Variants in ATRN observed in about 807,000 individuals in gnomAD.
ATRN encodes the protein attractin.
Under a neutral mutation model 178.7 loss-of-function variants are expected in ATRN, and 54 were observed. The observed-to-expected ratio is 0.30, with a 90% CI of 0.24 to 0.38. The LOEUF (loss-of-function observed/expected upper bound fraction) is 0.38. Ranked by LOEUF, ATRN falls within the 10% of genes least tolerant of loss-of-function variation. ATRN has a pLI of 1.00. For synonymous variants in ATRN, 636 were observed against 663.0 expected (o/e 0.96, Z 0.63); for missense variants, 1,443 against 1,815.1 (o/e 0.79, Z 3.73).
intron 1 of ATRN, among the ~76,000 whole-genome samples, chr20:3,486,943 T>G (rs1474961766): frequency 6.6e-6 from 1 of 152,204 alleles, no homozygotes; most frequent in Non-Finnish European, 1.5e-5. Context: ...AGTACGACTT[T>G]TAGACAGACA....
At chr20:3,573,728 T>C (rs1393801706) in intron 12 of ATRN, among the ~76,000 whole-genome samples, 1 of 150,424 alleles carries the variant, frequency 6.6e-6, no homozygotes, top group Non-Finnish European at 1.5e-5. Context: ...TGAAGCGATA[T>C]ATTAAAAATT....
rs568294430 is a variant in ATRN at position 3,629,115 on chromosome 20, A to C, written c.3863+4543A>C. On this transcript the variant is annotated intron_variant, in intron 25 of 28. Transcript: ENST00000262919. ...ACCAGGCCCCAGAGCTGTGGCCGTC[A>C]GTGCACTCTCCACCTCCACTCCCCA... 11 of 985,248 alleles carry C rather than the reference A, an allele frequency of 1.1e-5. No individual in the cohort carries two copies. In the South Asian group the frequency reaches 5.2e-4, roughly 46 times the overall value. 61.0% of individuals were successfully genotyped at this position (985,248 alleles called of 1,614,324 possible).
At chr20:3,627,466 A>C (rs1026857655) in intron 25 of ATRN, among the ~76,000 whole-genome samples, 1 of 152,226 alleles carries the variant, frequency 6.6e-6, no homozygotes, top group Non-Finnish European at 1.5e-5. Flanking sequence ...AATAAGAGCA[A>C]AAATTAATGA....
intron 5 of ATRN, 145 bp downstream of exon 5, chr20:3,547,634 T>G (rs2085725551): frequency 4.1e-6 from 3 of 739,054 alleles, no homozygotes; most frequent in Admixed American, 5.9e-5. Flanking sequence ...CATCCCTCTA[T>G]CTAGCTGCTT....
In ATRN at chr20:3,563,329, A is replaced by G. The variant is rs200738386; in HGVS notation, c.1752A>G (p.Lys584=). 9.9e-6 allele frequency: 16 copies of G among 1,613,956 alleles called. No individual in the cohort carries two copies. The highest frequency in any genetic ancestry group is 1.7e-5 in the Admixed American group (1 of 60,008). The change falls in exon 10 of 29, where the codon AAA becomes AAG. Residue 584 remains lysine, a synonymous_variant. Coordinates refer to ENST00000262919, the MANE Select transcript of ATRN (RefSeq NM_139321.3). ...ACACATCTATGAGCCATGGCGCCAAATGCTTCTCTTCAGATTTCATGGCCT... is the reference window on the plus strand; with the variant it reads ...ACACATCTATGAGCCATGGCGCCAAGTGCTTCTCTTCAGATTTCATGGCCT... ...HNDTSMSHGA[K]CFSSDFMAYD...
chr20:3,536,910 T>C, intron 2 of ATRN, among the ~76,000 whole-genome samples: 1 of 152,224 alleles, frequency 6.6e-6, no homozygotes, highest in East Asian at 1.9e-4. Flanking sequence ...TAGTAATTTC[T>C]TAAAAGTAAA....
At chr20:3,489,638 CT>C in intron 1 of ATRN, 1 of 1,470,478 alleles carries the variant, frequency 6.8e-7, no homozygotes, top group South Asian at 1.1e-5. Flanking sequence ...ATTCTGAAGC[CT>C]TCTGCAATTT....
chr20:3,520,909 A>G (rs1186237478), intron 1 of ATRN, among the ~76,000 whole-genome samples: 2 of 152,256 alleles, frequency 1.3e-5, no homozygotes, highest in African/African-American at 2.4e-5. Flanking sequence ...TAGGTCATCT[A>G]CTAAATGTGA....
In ATRN at chr20:3,596,373, C is replaced by T. The variant is rs1300743359; in HGVS notation, c.3417-4C>T. On this transcript the variant is annotated splice_polypyrimidine_tract_variant and splice_region_variant and intron_variant, in intron 20 of 28. Transcript: ENST00000262919. ...AGTATAAAATAGTCTTTTTTCCCCCCCAGATGTGAGGTAGAAAATCGATAC... is the reference window on the plus strand; with the variant it reads ...AGTATAAAATAGTCTTTTTTCCCCCTCAGATGTGAGGTAGAAAATCGATAC... The T allele has an allele frequency of 6.2e-7, 1 of 1,612,262 alleles. No homozygotes were observed. Among genetic ancestry groups the T allele is most frequent in the Non-Finnish European group, 8.5e-7 (1 of 1,178,670 alleles).
intron 24 of ATRN, 29 bp downstream of exon 24, chr20:3,604,291 G>A: frequency 1.3e-6 from 2 of 1,560,684 alleles, no homozygotes; most frequent in Non-Finnish European, 1.7e-6. Flanking sequence ...TCTCATACCT[G>A]CAAAGGTGGT....
chr20:3,565,902 G>A (rs1181977182), intron 11 of ATRN, among the ~76,000 whole-genome samples: 1 of 151,808 alleles, frequency 6.6e-6, no homozygotes, highest in Non-Finnish European at 1.5e-5. Context: ...GGATTATGTG[G>A]GTATAAATTT....
At position 3,477,986 on chromosome 20, in the gene ATRN, G is replaced by A. The variant is rs182648815; in HGVS notation, c.410+6469G>A. ...TCTTTTTCTTTGTACTTCCTTATTT[G>A]TTTTAGCTAAATCCAAATTTAGCTA... On this transcript the variant is annotated intron_variant, in intron 1 of 28. Transcript: ENST00000262919. Among the ~76,000 whole-genome samples the A allele has an allele frequency of 1.8e-3, 274 of 151,996 alleles. 1 individual carries two copies. The highest frequency in any genetic ancestry group is 6.2e-3 in the African/African-American group (257 of 41,454).
intron 1 of ATRN, 102 bp from the exon 2 acceptor site, chr20:3,535,151 T>A: frequency 2.5e-6 from 1 of 405,172 alleles, no homozygotes; most frequent in East Asian, 8.6e-5. Flanking sequence ...TGTATTATAT[T>A]AAGAATTAAG....
intron 1 of ATRN, among the ~76,000 whole-genome samples, chr20:3,516,620 G>T (rs1020244216): frequency 6.6e-6 from 1 of 152,146 alleles, no homozygotes. Flanking sequence ...AGCCAAGGGG[G>T]ATATGAAGAA....
intron 6 of ATRN, among the ~76,000 whole-genome samples, chr20:3,554,990 CTTTTTTTTTTTTTTTTTT>C (rs536209701): frequency 1.0e-4 from 7 of 67,458 alleles, no homozygotes; most frequent in Non-Finnish European, 1.5e-4. Context: ...GACCTGACCT[CTTTTTTTTTTTTTTTTTT>C]TTTTTTTTTT....
At chr20:3,572,451 T>C (rs1162640402) in intron 11 of ATRN, among the ~76,000 whole-genome samples, 1 of 152,160 alleles carries the variant, frequency 6.6e-6, no homozygotes, top group African/African-American at 2.4e-5. Flanking sequence ...ATAATGTTTT[T>C]TAAGACCTTG....
At chr20:3,545,032 T>G (rs1256791682) in intron 3 of ATRN, among the ~76,000 whole-genome samples, 1 of 152,102 alleles carries the variant, frequency 6.6e-6, no homozygotes, top group Admixed American at 6.6e-5. Context: ...GTTGGAGTTA[T>G]GGGTGTTTGT....
chr20:3,531,797 A>AAAC lies in ATRN; in HGVS notation c.411-3432_411-3430dup, dbSNP rs144998439. On this transcript the variant is annotated intron_variant, in intron 1 of 28. Transcript: ENST00000262919. ...TCAGAGTAACTGGGGAAGTGGGTTA[A>AAAC]AACAACAACAACAACAACAACAACA... Among the ~76,000 whole-genome samples the AAAC allele has an allele frequency of 2.4e-3, 360 of 151,828 alleles. 1 individual carries two copies. The highest frequency in any genetic ancestry group is 6.0e-3 in the South Asian group (29 of 4,806).
At chr20:3,576,832 GA>G (rs1320495560) in intron 13 of ATRN, 26 bp from the exon 14 acceptor site, 1 of 1,610,088 alleles carries the variant, frequency 6.2e-7, no homozygotes, top group Non-Finnish European at 8.5e-7. Context: ...GGATACAAAA[GA>G]AAAGCTTTTG....
Sources: allele counts gnomAD v4.1 joint callset (sites outside exome capture counted in the v4.1 genomes callset), GRCh38; gene constraint gnomAD v4.1.1; transcripts MANE v1.5; gene names NCBI Gene and HGNC (gene_info 2026-07-23, HGNC 2026-07-21).